The following TRHDE variants were observed in gnomAD, a reference collection of about 807,000 sequenced individuals.
The protein encoded by TRHDE is thyrotropin releasing hormone degrading enzyme.
TRHDE carries 72 observed loss-of-function variants against 125.7 expected under a neutral mutation model. The ratio of observed to expected loss-of-function variants is 0.57; its 90% CI spans 0.47 to 0.70. The LOEUF (loss-of-function observed/expected upper bound fraction) is 0.70, where lower values mean the gene tolerates loss of function less well. Ranked by LOEUF, TRHDE falls within the 30% of genes least tolerant of loss-of-function variation. TRHDE has a pLI of 0.00. For missense variants in TRHDE, 1,110 were observed against 1,327.1 expected, an observed-to-expected ratio of 0.84 and a Z score of 2.54; for synonymous variants, 509 against 509.1, an observed-to-expected ratio of 1.00 and a Z score of 0.00.
intron 6 of TRHDE, among the ~76,000 whole-genome samples, chr12:72,538,262 A>G (rs750238054): frequency 5.3e-4 from 80 of 152,006 alleles, no homozygotes; most frequent in Non-Finnish European, 1.0e-4. Flanking sequence ...AATATGGCCT[A>G]CTATGGCCTT....
chr12:72,135,254 G>C (rs1236800613), intron 2 of TRHDE, among the ~76,000 whole-genome samples: 1 of 152,122 alleles, frequency 6.6e-6, no homozygotes, highest in Non-Finnish European at 1.5e-5. Context: ...ATTCTCTTCT[G>C]TTTATTATTA....
At chr12:72,656,362 G>A (rs1874709117) in intron 17 of TRHDE, among the ~76,000 whole-genome samples, 2 of 152,068 alleles carry the variant, frequency 1.3e-5, no homozygotes, top group East Asian at 1.9e-4. Context: ...ATATAAAAAT[G>A]CATTTTTGAG....
chr12:72,405,425 TCTGTACATTGGCATCTCTGGTCTCTAG>T (rs1327083249), intron 3 of TRHDE, among the ~76,000 whole-genome samples: 2 of 152,234 alleles, frequency 1.3e-5, no homozygotes, highest in African/African-American at 2.4e-5. Context: ...ATTTGAGTTA[TCTGTACATTGGCATCTCTGGTCTCTAG>T]CTGTACATTG....
chr12:72,487,222 G>T (rs374063379), intron 5 of TRHDE, among the ~76,000 whole-genome samples: 14 of 152,150 alleles, frequency 9.2e-5, no homozygotes, highest in Admixed American at 3.9e-4. Context: ...GAAAGAGAAG[G>T]CTTATTTAAT....
At chr12:72,300,572 G>GCA (rs1227862657) in intron 2 of TRHDE, among the ~76,000 whole-genome samples, 1 of 151,764 alleles carries the variant, frequency 6.6e-6, no homozygotes, top group Admixed American at 6.6e-5. Context: ...GTGTGTGTGT[G>GCA]CACGTGCATG....
chr12:72,623,108 T>C (rs148678830), intron 15 of TRHDE, among the ~76,000 whole-genome samples: 26 of 152,106 alleles, frequency 1.7e-4, no homozygotes, highest in Non-Finnish European at 2.5e-4. Flanking sequence ...CCTCCTTCAA[T>C]TCTACCACGT....
In TRHDE at chr12:72,639,459, C is replaced by A. The variant is rs541896169; in HGVS notation, c.2676-12863C>A. ...TTTGCCTTTGGTTTGAATGTCCTCC[C>A]GTAGCTCGGAGTAATTTGATCATCT... is the stretch of plus-strand genomic sequence containing the variant. On this transcript the variant is annotated intron_variant, in intron 15 of 18. Coordinates refer to ENST00000261180, the MANE Select transcript of TRHDE (RefSeq NM_013381.3). Among the ~76,000 whole-genome samples the A allele has an allele frequency of 1.7e-3, 252 of 152,130 alleles. 1 individual carries two copies. The highest frequency in any genetic ancestry group is 5.6e-3 in the African/African-American group (234 of 41,510).
chr12:72,291,628 G>C (rs916617687), intron 2 of TRHDE, among the ~76,000 whole-genome samples: 4 of 152,240 alleles, frequency 2.6e-5, no homozygotes, highest in Admixed American at 1.3e-4. Context: ...TATTGAACAG[G>C]AGCTAGAGTT....
intron 7 of TRHDE, among the ~76,000 whole-genome samples, chr12:72,556,166 T>A (rs893699395): frequency 3.3e-5 from 5 of 152,220 alleles, no homozygotes; most frequent in African/African-American, 1.2e-4. Flanking sequence ...TGTTCTTTAG[T>A]TTTTATTTTG....
intron 2 of TRHDE, chr12:72,167,422 A>G (rs568482744): frequency 2.0e-5 from 3 of 152,304 alleles, no homozygotes; most frequent in African/African-American, 7.2e-5. Context: ...GGATTATTCA[A>G]TCTAGATTTG....
chr12:72,647,259 T>C (rs1447063249), intron 15 of TRHDE, among the ~76,000 whole-genome samples: 1 of 151,940 alleles, frequency 6.6e-6, no homozygotes, highest in Non-Finnish European at 1.5e-5. Flanking sequence ...AAGTAAAAAC[T>C]ACATCAAGAC....
chr12:72,414,096 T>A (rs1316077729), intron 3 of TRHDE, among the ~76,000 whole-genome samples: 2 of 152,150 alleles, frequency 1.3e-5, no homozygotes, highest in Middle Eastern at 3.2e-3. Context: ...TATTACTATT[T>A]GTGTTTTATT....
chr12:72,284,640 TA>T (rs1343702661), intron 1 of TRHDE, among the ~76,000 whole-genome samples: 2 of 152,228 alleles, frequency 1.3e-5, no homozygotes, highest in Non-Finnish European at 2.9e-5. Context: ...AAATTATGGC[TA>T]AAAATTAATT....
chr12:72,247,924 TTATC>T lies in TRHDE; in HGVS notation n.280-130066_280-130063del, dbSNP rs1188801541. On this transcript the variant is annotated intron_variant and non_coding_transcript_variant, in intron 2 of 4. Coordinates refer to the TRHDE transcript ENST00000548156. ...ATCTATGAATGTATGTATCTATCTA[TTATC>T]TATCATCTATCTTTTTATCATCTAT... 7.9e-5 allele frequency among the ~76,000 whole-genome samples: 12 copies of T among 152,320 alleles called. No homozygotes were observed. The East Asian group carries it at 1.7e-3, about 22-fold the overall frequency.
rs1438907020 is a variant in TRHDE at position 72,663,937 on chromosome 12, G to A, written c.*742G>A. On this transcript the variant is annotated 3_prime_UTR_variant, in exon 19 of 19. Transcript: ENST00000261180. The stretch of plus-strand genomic sequence containing the variant: ...TGTACACTGCACATGTACAAAGAAT[G>A]TCTTCAGATCAAAGAAAATTTATCT... 5 of 152,132 alleles carry A rather than the reference G, an allele frequency of 3.3e-5. No individual in the cohort carries two copies. The highest frequency in any genetic ancestry group is 7.4e-5 in the Non-Finnish European group (5 of 68,000). The allele number at this position is 152,132 out of a possible 1,614,324, so 9.4% of individuals were successfully genotyped here.
intron 7 of TRHDE, among the ~76,000 whole-genome samples, chr12:72,547,963 T>C (rs2135994127): frequency 1.3e-5 from 2 of 152,024 alleles, no homozygotes; most frequent in South Asian, 4.1e-4. Context: ...AATTCCTTCC[T>C]AGGTCATTTG....
chr12:72,111,824 C>T (rs934909559), intron 2 of TRHDE, among the ~76,000 whole-genome samples: 1 of 152,008 alleles, frequency 6.6e-6, no homozygotes, highest in Admixed American at 6.6e-5. Context: ...TCAGATGGGT[C>T]CCCTGGTTCT....
chr12:72,640,829 G>T (rs1874026742), intron 15 of TRHDE, among the ~76,000 whole-genome samples: 3 of 152,110 alleles, frequency 2.0e-5, no homozygotes, highest in African/African-American at 7.2e-5. Flanking sequence ...TCCTTCAAAT[G>T]AATTAATTAA....
chr12:72,427,139 C>G (rs763666174), intron 3 of TRHDE, among the ~76,000 whole-genome samples: 3 of 152,052 alleles, frequency 2.0e-5, no homozygotes, highest in Non-Finnish European at 4.4e-5. Context: ...TGAAAGTACC[C>G]ATAGACAATC....
Sources: gnomAD v4.1 joint callset for allele counts (sites outside exome capture counted in the v4.1 genomes callset) on GRCh38, gnomAD v4.1.1 for gene constraint, MANE v1.5 for transcripts, NCBI Gene and HGNC (gene_info 2026-07-23, HGNC 2026-07-21) for gene names.